The following PCNX2 variants were observed in gnomAD, a reference collection of about 807,000 sequenced individuals.
PCNX2 encodes pecanex-like protein 2.
A neutral mutation model predicts 223.8 loss-of-function variants in PCNX2; 168 were observed. That is an observed-to-expected ratio of 0.75 (90% CI 0.66 to 0.85). The LOEUF is 0.85. PCNX2 is among the 40% of genes least tolerant of loss of function. The pLI is 0.00. For synonymous variants in PCNX2, 1,006 were observed against 1,052.6 expected (o/e 0.96, Z 0.86); for missense variants, 2,507 against 2,675.5 (o/e 0.94, Z 1.39).
At chr1:233,297,871 A>G (rs949144998), upstream of PCNX2, among the ~76,000 whole-genome samples, 6 of 152,238 alleles carry the variant, frequency 3.9e-5, 1 homozygote, top group Admixed American at 3.9e-4. Flanking sequence ...GAGGGATCAT[A>G]TATGATCTTA....
At chr1:233,214,170 T>C (rs1165432434) in intron 12 of PCNX2, among the ~76,000 whole-genome samples, 1 of 152,142 alleles carries the variant, frequency 6.6e-6, no homozygotes, top group Non-Finnish European at 1.5e-5. Context: ...TTATTCTGAT[T>C]ATCCGTATTT....
intron 26 of PCNX2, chr1:233,018,790 G>A: frequency 1.0e-6 from 1 of 985,450 alleles, no homozygotes; most frequent in Non-Finnish European, 1.2e-6. Context: ...AGGGGCTGGA[G>A]GGCTCACAGT....
Position 233,013,215 on chromosome 1 carries a change from A to T in PCNX2, c.4952+1450T>A, listed in dbSNP as rs143756550. On this transcript the variant is annotated intron_variant, in intron 28 of 33. Coordinates refer to ENST00000258229, the MANE Select transcript of PCNX2 (RefSeq NM_014801.4). ...AAGGGTCAGAGTTTTGGTATTTCTC[A>T]CCTGTAAAAACGATCATGAAATTCT... is the stretch of plus-strand genomic sequence containing the variant. 2.9e-4 allele frequency among the ~76,000 whole-genome samples: 44 copies of T among 152,318 alleles called. No homozygotes were observed. In the East Asian group the frequency reaches 7.5e-3, roughly 26 times the overall value.
intron 19 of PCNX2, among the ~76,000 whole-genome samples, chr1:233,150,492 T>C (rs1431664030): frequency 6.6e-6 from 1 of 152,204 alleles, no homozygotes; most frequent in Non-Finnish European, 1.5e-5. Flanking sequence ...AAAGTTTATG[T>C]TTTTCAAGGA....
chr1:233,261,956 ACAATCACTGCTGCTGAACACT>A, intron 3 of PCNX2, 68 bp downstream of exon 3: 1 of 1,545,700 alleles, frequency 6.5e-7, no homozygotes, highest in Non-Finnish European at 8.9e-7. Flanking sequence ...CATGCAAGCT[ACAATCACTGCTGCTGAACACT>A]CCCATTCTAG....
intron 32 of PCNX2, among the ~76,000 whole-genome samples, chr1:232,997,644 T>A (rs1669920275): frequency 6.6e-6 from 1 of 152,180 alleles, no homozygotes; most frequent in African/African-American, 2.4e-5. Flanking sequence ...CCAGTGGAGT[T>A]TTGGAACTTC....
rs1383184977 is a variant in PCNX2, at chr1:232,987,641, T to A, written c.5792-1101A>T. ...CCAAATGCCCATTATTCATTATGCA[T>A]CTGGTGATTGTGAAGCGGGCGTGGC... On this transcript the variant is annotated intron_variant, in intron 32 of 33. Coordinates refer to ENST00000258229, the MANE Select transcript of PCNX2 (RefSeq NM_014801.4). Among the ~76,000 whole-genome samples the A allele has an allele frequency of 3.9e-5, 6 of 152,294 alleles. No individual in the cohort carries two copies. In the East Asian group the frequency reaches 9.6e-4, roughly 24 times the overall value.
At chr1:233,323,424 T>A in the PCNX2 span, among the ~76,000 whole-genome samples, 1 of 152,198 alleles carries the variant, frequency 6.6e-6, no homozygotes, top group East Asian at 1.9e-4. Flanking sequence ...CAAATTATCG[T>A]GGTTTGCAGA....
rs569192737 is a variant in PCNX2 at position 232,987,949 on chromosome 1, A to G, written c.5792-1409T>C. ...CCACAGTGCTGGGGGCTTCCGCAGG[A>G]CGGGGCTGCCCTCCCTGGGATGAGT... On this transcript the variant is annotated intron_variant, in intron 32 of 33. Coordinates refer to ENST00000258229, the MANE Select transcript of PCNX2 (RefSeq NM_014801.4). Among the ~76,000 whole-genome samples the G allele has an allele frequency of 5.9e-5, 9 of 152,228 alleles. No homozygotes were observed. The East Asian group carries it at 1.7e-3, about 29-fold the overall frequency.
intron 15 of PCNX2, among the ~76,000 whole-genome samples, chr1:233,183,732 A>G (rs916212226): frequency 1.3e-5 from 2 of 152,226 alleles, no homozygotes; most frequent in Non-Finnish European, 2.9e-5. Flanking sequence ...GGAAAGACAC[A>G]TGGATAACTG....
At chr1:233,004,015 C>A (rs1403870722) in intron 28 of PCNX2, among the ~76,000 whole-genome samples, 1 of 151,682 alleles carries the variant, frequency 6.6e-6, no homozygotes, top group Non-Finnish European at 1.5e-5. Flanking sequence ...GGTGAGGGGG[C>A]TAGAGGAGGG....
At chr1:233,288,670 T>C (rs1661576815) in intron 1 of PCNX2, among the ~76,000 whole-genome samples, 1 of 152,100 alleles carries the variant, frequency 6.6e-6, no homozygotes, top group Non-Finnish European at 1.5e-5. Context: ...AGGCAAGCCC[T>C]CTGCACATGC....
At chr1:233,200,958 G>A (rs1386205473) in intron 13 of PCNX2, among the ~76,000 whole-genome samples, 3 of 148,536 alleles carry the variant, frequency 2.0e-5, no homozygotes, top group Non-Finnish European at 4.5e-5. Flanking sequence ...CCCGGGAGGC[G>A]GAGCTTGCAG....
In PCNX2 at chr1:232,986,456, A is replaced by G. The variant is rs1669488377; in HGVS notation, c.5876T>C (p.Ile1959Thr). 1 of 1,605,242 alleles carries G rather than the reference A, an allele frequency of 6.2e-7. No individual in the cohort carries two copies. Among genetic ancestry groups the G allele is most frequent in the Non-Finnish European group, 8.5e-7 (1 of 1,175,326 alleles). Residue 1959 changes from isoleucine to threonine, a missense_variant, in exon 33 of 34, where the codon ATC becomes ACC. Ile to Thr is a moderately conservative substitution (Grantham distance 89). Coordinates refer to ENST00000258229, the MANE Select transcript of PCNX2 (RefSeq NM_014801.4). ...GAGGAATGTTTGGCGGCTCTCTAAG[A>G]TGGGGCCAGATGAGCTCAGCATGGG... is the stretch of plus-strand genomic sequence containing the variant. The part of the protein sequence containing the change: ...RPPMLSSSGP[I>T]LESRQTFLQT...
intron 1 of PCNX2, among the ~76,000 whole-genome samples, chr1:233,267,991 A>C (rs1162883517): frequency 6.6e-6 from 1 of 152,106 alleles, no homozygotes; most frequent in African/African-American, 2.4e-5. Context: ...GACTCACTGC[A>C]ATCTCTGCGT....
chr1:233,261,167 T>A, intron 4 of PCNX2, 118 bp downstream of exon 4: 1 of 889,590 alleles, frequency 1.1e-6, no homozygotes. Flanking sequence ...AATATAACTA[T>A]GCAGTCTTAG....
At chr1:233,247,486 A>ATGTTG (rs1255538553) in intron 8 of PCNX2, among the ~76,000 whole-genome samples, 2 of 152,046 alleles carry the variant, frequency 1.3e-5, no homozygotes, top group African/African-American at 4.8e-5. Context: ...TGTTTTTGCT[A>ATGTTG]TGTTTTGTTT....
At chr1:233,011,741 C>T (rs1044694834) in intron 28 of PCNX2, among the ~76,000 whole-genome samples, 11 of 152,206 alleles carry the variant, frequency 7.2e-5, no homozygotes, top group African/African-American at 2.2e-4. Context: ...GAAAGTGGCA[C>T]ACCCCAACTT....
chr1:233,286,790 A>G (rs1661473662), intron 1 of PCNX2, among the ~76,000 whole-genome samples: 1 of 152,132 alleles, frequency 6.6e-6, no homozygotes, highest in Non-Finnish European at 1.5e-5. Context: ...GTGACAGTCA[A>G]CAAAGAATCT....
Sources: allele counts gnomAD v4.1 joint callset (sites outside exome capture counted in the v4.1 genomes callset), GRCh38; gene constraint gnomAD v4.1.1; transcripts MANE v1.5; gene names NCBI Gene and HGNC (gene_info 2026-07-23, HGNC 2026-07-21).